The following SSH2 variants were observed in gnomAD, a reference collection of about 807,000 sequenced individuals.
The protein encoded by SSH2 is slingshot protein phosphatase 2.
Under a neutral mutation model 135.2 loss-of-function variants are expected in SSH2, and 37 were observed. The observed-to-expected ratio is 0.27, with a 90% CI of 0.21 to 0.36. The LOEUF is 0.36. Ranked by LOEUF, SSH2 falls within the 10% of genes least tolerant of loss-of-function variation. The pLI is 1.00. For missense variants in SSH2, 1,408 were observed against 1,765.3 expected, an observed-to-expected ratio of 0.80 and a Z score of 3.63; for synonymous variants, 628 against 646.2, an observed-to-expected ratio of 0.97 and a Z score of 0.43.
At chr17:29,755,095 G>A (rs560842004) in intron 3 of SSH2, among the ~76,000 whole-genome samples, 63 of 152,168 alleles carry the variant, frequency 4.1e-4, no homozygotes, top group Non-Finnish European at 6.9e-4. Flanking sequence ...CTTGCTTAGT[G>A]ACTACTTCCC....
At position 29,627,654 on chromosome 17, in the gene SSH2, T is replaced by G. The variant is rs1384349081; in HGVS notation, c.*3187A>C. The G allele has an allele frequency of 6.6e-6, 1 of 152,634 alleles. No homozygotes were observed. Among genetic ancestry groups the G allele is most frequent in the Admixed American group, 6.5e-5 (1 of 15,280 alleles). 9.5% of individuals were successfully genotyped at this position (152,634 alleles called of 1,614,324 possible). On this transcript the variant is annotated 3_prime_UTR_variant, in exon 16 of 16. Coordinates refer to ENST00000540801, the MANE Select transcript of SSH2 (RefSeq NM_001282129.2). The stretch of plus-strand genomic sequence containing the variant: ...GATGATAGGAATGATCCCAAACATT[T>G]AGAATCTGAAAGGCAACTAAAATGA...
chr17:29,784,065 CAAAAAAAAAA>C (rs71138857), intron 3 of SSH2, among the ~76,000 whole-genome samples: 10 of 8,232 alleles, frequency 1.2e-3, no homozygotes, highest in East Asian at 2.8e-3. Flanking sequence ...GACTCCGTCT[CAAAAAAAAAA>C]AAAAAAAAAA....
chr17:29,703,175 G>T, intron 3 of SSH2, 113 bp from the exon 4 acceptor site: 1 of 730,330 alleles, frequency 1.4e-6, no homozygotes, highest in Non-Finnish European at 2.4e-6. Flanking sequence ...CAACTTCATG[G>T]AACGAAGTAA....
intron 1 of SSH2, among the ~76,000 whole-genome samples, chr17:29,880,780 C>A (rs1453912414): frequency 6.6e-6 from 1 of 152,188 alleles, no homozygotes; most frequent in Non-Finnish European, 1.5e-5. Context: ...GAGAACACTA[C>A]CTCATATTTG....
At chr17:29,653,288 C>T (rs1265288858) in intron 12 of SSH2, among the ~76,000 whole-genome samples, 1 of 152,100 alleles carries the variant, frequency 6.6e-6, no homozygotes, top group African/African-American at 2.4e-5. Context: ...GTGTACAGAT[C>T]CCTGAACTGT....
At chr17:29,712,760 C>T (rs573933254) in intron 3 of SSH2, among the ~76,000 whole-genome samples, 2 of 152,214 alleles carry the variant, frequency 1.3e-5, no homozygotes, top group South Asian at 2.1e-4. Flanking sequence ...GCCAAGATCA[C>T]GTCACTGTAC....
chr17:29,908,241 C>A (rs1490962019), intron 1 of SSH2, among the ~76,000 whole-genome samples: 1 of 151,748 alleles, frequency 6.6e-6, no homozygotes, highest in African/African-American at 2.4e-5. Context: ...TGCTTGAGTC[C>A]AAGAGTTCAA....
intron 1 of SSH2, among the ~76,000 whole-genome samples, chr17:29,864,416 T>C (rs1199157153): frequency 6.6e-6 from 1 of 151,880 alleles, no homozygotes; most frequent in Non-Finnish European, 1.5e-5. Flanking sequence ...GTCTAAGTGG[T>C]AGAGTAGAGA....
chr17:29,909,979 T>G (rs939513063), intron 1 of SSH2, among the ~76,000 whole-genome samples: 1 of 152,212 alleles, frequency 6.6e-6, no homozygotes, highest in African/African-American at 2.4e-5. Flanking sequence ...GGGGTCTCAC[T>G]CTGTCACCTA....
chr17:29,639,462 A>T (rs1271605590), intron 14 of SSH2, among the ~76,000 whole-genome samples: 2 of 151,792 alleles, frequency 1.3e-5, no homozygotes, highest in Non-Finnish European at 2.9e-5. Flanking sequence ...CTGCCGAGTC[A>T]TGCTCAGGCG....
In SSH2 at chr17:29,859,246, G is replaced by A. The variant is rs9303627; in HGVS notation, c.64-10317C>T. Among the ~76,000 whole-genome samples, 1,007 of 151,964 alleles carry A rather than the reference G, an allele frequency of 6.6e-3. 6 individuals carry two copies. The highest frequency in any genetic ancestry group is 0.023 in the African/African-American group (952 of 41,440). On this transcript the variant is annotated intron_variant, in intron 1 of 15. Coordinates refer to ENST00000540801, the MANE Select transcript of SSH2 (RefSeq NM_001282129.2). The stretch of plus-strand genomic sequence containing the variant: ...TAAAGGTGGGTTGAGTTCTCTTAAC[G>A]CATCAATCTGACCTCCTTTCCTGGG...
rs115481106 is a variant in SSH2 at position 29,718,026 on chromosome 17, G to A, written c.189-14964C>T. ...AAAGAGGTAGAGAAGGGCAAGTGGT[G>A]TAGGGTTTCAGTGTTTCTACTTTCT... On this transcript the variant is annotated intron_variant, in intron 3 of 15. Coordinates refer to ENST00000540801, the MANE Select transcript of SSH2 (RefSeq NM_001282129.2). Among the ~76,000 whole-genome samples, 303 of 152,350 alleles carry A rather than the reference G, an allele frequency of 2.0e-3. 1 individual carries two copies. The highest frequency in any genetic ancestry group is 7.0e-3 in the African/African-American group (293 of 41,580).
chr17:29,776,160 G>A (rs1010577072), intron 3 of SSH2: 8 of 152,164 alleles, frequency 5.3e-5, no homozygotes, highest in African/African-American at 1.7e-4. Flanking sequence ...AGAACTTGTT[G>A]AGCATGCTCC....
rs73987168 is a variant in SSH2, at chr17:29,887,607, T to C, written c.64-38678A>G. Among the ~76,000 whole-genome samples the C allele has an allele frequency of 1.4e-3, 207 of 152,310 alleles. 2 individuals are homozygous for C. Among genetic ancestry groups the C allele is most frequent in the African/African-American group, 4.9e-3 (202 of 41,564 alleles). On this transcript the variant is annotated intron_variant, in intron 1 of 15. Transcript: ENST00000540801. ...ATAGTACACATCTTCAGAGGGTGGT[T>C]GTCAGGACTGAATCAGATCATATTG... is the stretch of plus-strand genomic sequence containing the variant.
intron 1 of SSH2, among the ~76,000 whole-genome samples, chr17:29,911,902 A>G (rs1418763181): frequency 6.6e-6 from 1 of 152,230 alleles, no homozygotes; most frequent in Non-Finnish European, 1.5e-5. Flanking sequence ...AGTTCTTTAA[A>G]TCTGTATTAG....
chr17:29,734,283 T>C (rs2151193012), intron 3 of SSH2, among the ~76,000 whole-genome samples: 1 of 152,290 alleles, frequency 6.6e-6, no homozygotes, highest in East Asian at 1.9e-4. Context: ...TAGAAAGGCT[T>C]TCTATGCCTT....
chr17:29,812,231 T>A lies in SSH2; in HGVS notation c.145-18294A>T, dbSNP rs575546151. The stretch of plus-strand genomic sequence containing the variant: ...CCATACAATTCACCTATTAAAAGTA[T>A]ACAATTCAATGTTTTTAGTATCTTC... On this transcript the variant is annotated intron_variant, in intron 2 of 15. Coordinates refer to ENST00000540801, the MANE Select transcript of SSH2 (RefSeq NM_001282129.2). Among the ~76,000 whole-genome samples, 19 of 151,912 alleles carry A rather than the reference T, an allele frequency of 1.3e-4. No individual in the cohort carries two copies. The East Asian group carries it at 3.5e-3, about 28-fold the overall frequency.
In SSH2 at chr17:29,698,834, A is replaced by G. The variant is rs1356697351; in HGVS notation, c.293-3311T>C. Among the ~76,000 whole-genome samples, 7 of 152,170 alleles carry G rather than the reference A, an allele frequency of 4.6e-5. 1 individual carries two copies. Reference sequence around the variant, plus strand: ...AAATTAAGTTTCCTTCTGTCCTACCAGTAGAAATAACCAGAGGAAAGGATT... The same window carrying G: ...AAATTAAGTTTCCTTCTGTCCTACCGGTAGAAATAACCAGAGGAAAGGATT... On this transcript the variant is annotated intron_variant, in intron 4 of 15. Coordinates refer to ENST00000540801, the MANE Select transcript of SSH2 (RefSeq NM_001282129.2).
At chr17:29,846,864 T>C (rs994522637) in intron 2 of SSH2, among the ~76,000 whole-genome samples, 2 of 152,230 alleles carry the variant, frequency 1.3e-5, no homozygotes, top group Admixed American at 1.3e-4. Flanking sequence ...ATACAGACAA[T>C]TCATTTTTTA....
Sources: gnomAD v4.1 joint callset for allele counts (sites outside exome capture counted in the v4.1 genomes callset) on GRCh38, gnomAD v4.1.1 for gene constraint, MANE v1.5 for transcripts, NCBI Gene and HGNC (gene_info 2026-07-23, HGNC 2026-07-21) for gene names.